DPYSL2: variants seen among roughly 807,000 people sequenced by gnomAD.
DPYSL2 encodes the protein dihydropyrimidinase like 2.
DPYSL2 carries 13 observed loss-of-function variants against 69.9 expected under a neutral mutation model. The observed-to-expected ratio is 0.19, with a 90% CI of 0.12 to 0.30. The LOEUF (loss-of-function observed/expected upper bound fraction) is 0.30. Among genes scored for constraint, DPYSL2 ranks in the 10% least tolerant of loss-of-function variants. The pLI is 1.00. For missense variants in DPYSL2, 587 were observed against 918.9 expected (o/e 0.64, Z 4.67); for synonymous variants, 326 against 359.1 (o/e 0.91, Z 1.04).
chr8:26,591,501 C>T lies in DPYSL2; in HGVS notation c.628+7518C>T, dbSNP rs532303852. On this transcript the variant is annotated intron_variant, in intron 3 of 13. Transcript: ENST00000521913. The surrounding 1 kb of genome is among the most constrained non-coding windows in gnomAD (Gnocchi z 5.8). The stretch of plus-strand genomic sequence containing the variant: ...CGTGGCCTCTCCATTTTCCTAAGGC[C>T]CCTGCATGCCTGGAGCTGGCTGTGG... Among the ~76,000 whole-genome samples the T allele has an allele frequency of 6.6e-6, 1 of 152,328 alleles. No individual in the cohort carries two copies. Among genetic ancestry groups the T allele is most frequent in the South Asian group, 2.1e-4 (1 of 4,832 alleles).
intron 1 of DPYSL2, among the ~76,000 whole-genome samples, chr8:26,576,247 A>G (rs1801341748): frequency 6.6e-6 from 1 of 152,180 alleles, no homozygotes; most frequent in African/African-American, 2.4e-5. Context: ...ATTCCCCTAA[A>G]GTGGCTAAGG....
At position 26,560,965 on chromosome 8, in the gene DPYSL2, C is replaced by T. The variant is rs552656791; in HGVS notation, c.355-21004C>T. Among the ~76,000 whole-genome samples the T allele has an allele frequency of 6.2e-4, 94 of 152,260 alleles. No individual in the cohort carries two copies. Among genetic ancestry groups the T allele is most frequent in the African/African-American group, 2.2e-3 (93 of 41,540 alleles). ...GGGAAGGGAAGTTGTAAGAGAGCAG[C>T]TGTCCACAGTTATTAATGGTACCTT... On this transcript the variant is annotated intron_variant, in intron 1 of 13. Coordinates refer to ENST00000521913, the MANE Select transcript of DPYSL2 (RefSeq NM_001197293.3). This position sits in a 1 kb window ranked among gnomAD's most constrained non-coding sequence, Gnocchi z 4.4.
intron 1 of DPYSL2, among the ~76,000 whole-genome samples, chr8:26,543,778 C>T (rs1426785950): frequency 5.3e-5 from 8 of 152,150 alleles, no homozygotes; most frequent in East Asian, 1.9e-4. Context: ...TGAGCCACCG[C>T]GCCTGGCCAC....
intron 7 of DPYSL2, among the ~76,000 whole-genome samples, chr8:26,631,551 A>G (rs56770778): frequency 0.022 from 3,418 of 152,284 alleles, 112 homozygotes; most frequent in African/African-American, 0.076. Context: ...TGCTATTTCA[A>G]CCAGAGAAAT....
At chr8:26,575,179 G>A (rs977905847) in intron 1 of DPYSL2, among the ~76,000 whole-genome samples, 4 of 152,112 alleles carry the variant, frequency 2.6e-5, no homozygotes, top group South Asian at 4.2e-4. Context: ...TTGTAGAGAC[G>A]GGGTTTCTCC....
At chr8:26,546,676 T>C (rs1800773549) in intron 1 of DPYSL2, among the ~76,000 whole-genome samples, 1 of 151,596 alleles carries the variant, frequency 6.6e-6, no homozygotes, top group African/African-American at 2.4e-5. Flanking sequence ...TCCCAGCACT[T>C]TGGGAGGCCG....
chr8:26,636,722 C>G (rs756053227), intron 8 of DPYSL2, among the ~76,000 whole-genome samples: 1 of 151,878 alleles, frequency 6.6e-6, no homozygotes, highest in Admixed American at 6.6e-5. Flanking sequence ...TGGTAGCCCC[C>G]GTTGTTGTTT....
At chr8:26,583,699 C>A in intron 2 of DPYSL2, 100 bp from the exon 3 acceptor site, 2 of 1,109,070 alleles carry the variant, frequency 1.8e-6, no homozygotes, top group Non-Finnish European at 2.6e-6. Context: ...GCCCACGGCA[C>A]AGAGCGGAGG....
In DPYSL2 at chr8:26,624,591, C is replaced by G. The variant is rs1234579946; in HGVS notation, c.793+284C>G. 6.6e-6 allele frequency among the ~76,000 whole-genome samples: 1 copy of G among 152,154 alleles called. No individual in the cohort carries two copies. Among genetic ancestry groups the G allele is most frequent in the African/African-American group, 2.4e-5 (1 of 41,432 alleles). ...TGCTCACAGCTTATTGGTTTGTGAG[C>G]ACCGTGCTCTCTAGCCAGGGTGGGG... On this transcript the variant is annotated intron_variant, in intron 4 of 13. Coordinates refer to ENST00000521913, the MANE Select transcript of DPYSL2 (RefSeq NM_001197293.3). This position sits in a 1 kb window ranked among gnomAD's most constrained non-coding sequence, Gnocchi z 4.7.
At chr8:26,555,711 C>A (rs1800934090) in intron 1 of DPYSL2, among the ~76,000 whole-genome samples, 1 of 151,080 alleles carries the variant, frequency 6.6e-6, no homozygotes, top group Admixed American at 6.7e-5. Flanking sequence ...ATGGGGAAAC[C>A]TCATCTCTAC....
chr8:26,577,198 C>A (rs960473482), intron 1 of DPYSL2: 2 of 439,548 alleles, frequency 4.6e-6, no homozygotes, highest in Non-Finnish European at 9.1e-6. Flanking sequence ...GGCCAGATCC[C>A]GTCTCTGCAG....
chr8:26,639,340 A>G (rs975132378), intron 8 of DPYSL2, among the ~76,000 whole-genome samples: 14 of 152,258 alleles, frequency 9.2e-5, no homozygotes, highest in African/African-American at 2.9e-4. Context: ...TGAAATCTGC[A>G]GATCAGGCCA....
chr8:26,654,705 G>T lies in DPYSL2; in HGVS notation c.1943-910G>T, dbSNP rs1172684705. ...GCCAATTTGACTAATCAGAACAGGGGACAGGACAGAGTCTAAGATGTAGTG... is the reference window on the plus strand; with the variant it reads ...GCCAATTTGACTAATCAGAACAGGGTACAGGACAGAGTCTAAGATGTAGTG... On this transcript the variant is annotated intron_variant, in intron 13 of 13. Coordinates refer to ENST00000521913, the MANE Select transcript of DPYSL2 (RefSeq NM_001197293.3). This position sits in a 1 kb window ranked among gnomAD's most constrained non-coding sequence, Gnocchi z 5.0. Among the ~76,000 whole-genome samples the T allele has an allele frequency of 6.6e-6, 1 of 152,094 alleles. No homozygotes were observed. The highest frequency in any genetic ancestry group is 2.4e-5 in the African/African-American group (1 of 41,404).
chr8:26,540,983 A>C (rs1242842019), intron 1 of DPYSL2, among the ~76,000 whole-genome samples: 1 of 152,132 alleles, frequency 6.6e-6, no homozygotes, highest in African/African-American at 2.4e-5. Flanking sequence ...TTGAACCATC[A>C]TAAGTCCAGA....
chr8:26,558,038 C>T (rs1027476654), intron 1 of DPYSL2, among the ~76,000 whole-genome samples: 1 of 151,984 alleles, frequency 6.6e-6, no homozygotes, highest in African/African-American at 2.4e-5. Flanking sequence ...TTTGGCAGTA[C>T]ATTACAAAAC....
At chr8:26,527,521 A>G (rs1808499873) in intron 1 of DPYSL2, among the ~76,000 whole-genome samples, 1 of 152,136 alleles carries the variant, frequency 6.6e-6, no homozygotes, top group Non-Finnish European at 1.5e-5. Flanking sequence ...GATAACATAC[A>G]TTGGTCATTT....
chr8:26,572,534 C>G (rs1801254939), intron 1 of DPYSL2, among the ~76,000 whole-genome samples: 2 of 152,132 alleles, frequency 1.3e-5, no homozygotes, highest in Non-Finnish European at 2.9e-5. Flanking sequence ...GAATCTCGCC[C>G]TTTCACCCAA....
At chr8:26,618,421 T>TC (rs1295450721) in intron 3 of DPYSL2, among the ~76,000 whole-genome samples, 3 of 151,274 alleles carry the variant, frequency 2.0e-5, no homozygotes, top group African/African-American at 7.3e-5. Flanking sequence ...CAAGTGATCT[T>TC]CCCCACTTAG....
intron 1 of DPYSL2, among the ~76,000 whole-genome samples, chr8:26,529,146 A>G (rs1800447130): frequency 6.6e-6 from 1 of 152,146 alleles, no homozygotes; most frequent in Non-Finnish European, 1.5e-5. Flanking sequence ...AACAGAATAG[A>G]AAGGCATGAT....
Sources: allele counts gnomAD v4.1 joint callset (sites outside exome capture counted in the v4.1 genomes callset), GRCh38; gene constraint gnomAD v4.1.1; non-coding constraint Gnocchi (gnomAD v3.1); transcripts MANE v1.5; gene names NCBI Gene and HGNC (gene_info 2026-07-23, HGNC 2026-07-21).